CDH13: variants seen among roughly 807,000 people sequenced by gnomAD.
The protein encoded by CDH13 is cadherin-13.
Under a neutral mutation model 63.8 loss-of-function variants are expected in CDH13, and 24 were observed. The ratio of observed to expected loss-of-function variants is 0.38; its 90% CI spans 0.27 to 0.53. The LOEUF is 0.53. Among genes scored for constraint, CDH13 ranks in the 20% least tolerant of loss-of-function variants. The probability of loss-of-function intolerance (pLI) is 0.85; values close to 1 mark genes in which losing one functional copy is unlikely to be tolerated. For synonymous variants in CDH13, 503 were observed against 355.3 expected (o/e 1.42, Z -4.67); for missense variants, 1,049 against 903.1 (o/e 1.16, Z -2.07).
At chr16:83,222,240 C>T (rs2151793859) in intron 5 of CDH13, among the ~76,000 whole-genome samples, 1 of 152,286 alleles carries the variant, frequency 6.6e-6, no homozygotes, top group South Asian at 2.1e-4. Flanking sequence ...GAGCCAATTT[C>T]TTGGTCAAGT....
intron 7 of CDH13, among the ~76,000 whole-genome samples, chr16:83,534,841 A>T (rs1654447740): frequency 1.3e-5 from 2 of 152,248 alleles, no homozygotes; most frequent in African/African-American, 4.8e-5. Context: ...ATACACACCC[A>T]AAATTGGGTC....
intron 7 of CDH13, among the ~76,000 whole-genome samples, chr16:83,562,920 C>T (rs932095291): frequency 2.6e-5 from 4 of 152,280 alleles, no homozygotes; most frequent in East Asian, 3.9e-4. Context: ...CCAAGAGGGA[C>T]GAGGACCTGG....
At chr16:83,368,407 G>A (rs71388387) in intron 6 of CDH13, among the ~76,000 whole-genome samples, 1 of 152,170 alleles carries the variant, frequency 6.6e-6, no homozygotes, top group African/African-American at 2.4e-5. Flanking sequence ...TCATGACTTA[G>A]GACGCATTTT....
At chr16:82,981,169 A>T (rs1009898955) in intron 2 of CDH13, among the ~76,000 whole-genome samples, 2 of 152,238 alleles carry the variant, frequency 1.3e-5, no homozygotes, top group Non-Finnish European at 2.9e-5. Flanking sequence ...TTAAAAAATT[A>T]TTCAAAAGGA....
At chr16:83,045,631 CT>C (rs1567777390) in intron 3 of CDH13, among the ~76,000 whole-genome samples, 4 of 85,720 alleles carry the variant, frequency 4.7e-5, no homozygotes, top group African/African-American at 1.8e-4. Context: ...ATCAAGATTC[CT>C]TTAAAAAAAA....
At chr16:82,820,484 T>C (rs2037952798) in intron 1 of CDH13, among the ~76,000 whole-genome samples, 1 of 152,208 alleles carries the variant, frequency 6.6e-6, no homozygotes, top group South Asian at 2.1e-4. Context: ...CCCACAGTTT[T>C]ATAATTGGTT....
intron 2 of CDH13, among the ~76,000 whole-genome samples, chr16:83,001,074 A>G (rs1229924793): frequency 6.6e-6 from 1 of 152,216 alleles, no homozygotes; most frequent in East Asian, 1.9e-4. Flanking sequence ...TTACTGCTCT[A>G]CTTACCTGCT....
chr16:82,673,824 A>C (rs1275485913), intron 1 of CDH13, among the ~76,000 whole-genome samples: 3 of 152,216 alleles, frequency 2.0e-5, no homozygotes, highest in Non-Finnish European at 2.9e-5. Flanking sequence ...TCCATGTGGA[A>C]GTGTTAGCAA....
intron 6 of CDH13, among the ~76,000 whole-genome samples, chr16:83,480,997 G>GTGGAT (rs2073747665): frequency 6.6e-6 from 1 of 152,176 alleles, no homozygotes; most frequent in African/African-American, 2.4e-5. Flanking sequence ...TCCTTTTGAA[G>GTGGAT]CACCACTATT....
intron 10 of CDH13, among the ~76,000 whole-genome samples, chr16:83,692,913 C>T (rs1905048868): frequency 6.6e-6 from 1 of 152,124 alleles, no homozygotes. Flanking sequence ...GAAACCCCGC[C>T]TCTACTAAAA....
chr16:83,112,103 T>G (rs1469252521), intron 3 of CDH13, among the ~76,000 whole-genome samples: 25 of 152,266 alleles, frequency 1.6e-4, no homozygotes, highest in Admixed American at 1.6e-3. Context: ...CTGCTTTGCT[T>G]TACTTATTCA....
intron 1 of CDH13, chr16:82,844,833 C>G (rs1307081901): frequency 6.8e-6 from 1 of 146,944 alleles, no homozygotes; most frequent in Non-Finnish European, 1.5e-5. Flanking sequence ...TTTTTTGTAT[C>G]TTTAGTGGAG....
At position 83,278,976 on chromosome 16, in the gene CDH13, G is replaced by C. The variant is rs79253724; in HGVS notation, c.636+61479G>C. ...ACAGAAAGCACACAGCACTCTGCCT[G>C]CCTTATACTGTAGTAGTGACATCTT... is the stretch of plus-strand genomic sequence containing the variant. On this transcript the variant is annotated intron_variant, in intron 5 of 13. Transcript: ENST00000567109. Among the ~76,000 whole-genome samples the C allele has an allele frequency of 4.3e-3, 660 of 152,252 alleles. 4 individuals carry two copies. Among genetic ancestry groups the C allele is most frequent in the African/African-American group, 0.015 (619 of 41,558 alleles).
intron 7 of CDH13, among the ~76,000 whole-genome samples, chr16:83,522,793 C>A (rs572857502): frequency 1.6e-4 from 25 of 152,246 alleles, no homozygotes; most frequent in African/African-American, 6.0e-4. Context: ...TCTCCTGGGG[C>A]TTATTACAGA....
At chr16:83,054,861 C>T (rs1383818656) in intron 3 of CDH13, among the ~76,000 whole-genome samples, 1 of 151,968 alleles carries the variant, frequency 6.6e-6, no homozygotes, top group Non-Finnish European at 1.5e-5. Flanking sequence ...AAATTTGGTT[C>T]TAACAAAATT....
At chr16:83,686,867 G>T (rs1421929161) in intron 10 of CDH13, among the ~76,000 whole-genome samples, 1 of 152,132 alleles carries the variant, frequency 6.6e-6, no homozygotes, top group African/African-American at 2.4e-5. Flanking sequence ...ATAGATTAAT[G>T]GCAGCTGGGT....
intron 1 of CDH13, among the ~76,000 whole-genome samples, chr16:82,638,292 CT>C (rs1000782160): frequency 6.6e-6 from 1 of 152,188 alleles, no homozygotes; most frequent in African/African-American, 2.4e-5. Flanking sequence ...CCTTGGACTG[CT>C]TAGGGACTGC....
intron 6 of CDH13, among the ~76,000 whole-genome samples, chr16:83,412,778 G>T (rs756941219): frequency 2.0e-5 from 3 of 152,200 alleles, no homozygotes; most frequent in Non-Finnish European, 4.4e-5. Context: ...ACAATTCCAC[G>T]TGCACATAAG....
intron 5 of CDH13, among the ~76,000 whole-genome samples, chr16:83,265,121 C>A (rs1001981361): frequency 1.3e-5 from 2 of 152,094 alleles, no homozygotes; most frequent in Non-Finnish European, 2.9e-5. Context: ...TGTCTCAAGT[C>A]GTCTGTTTGT....
Sources: allele counts gnomAD v4.1 joint callset (sites outside exome capture counted in the v4.1 genomes callset), GRCh38; gene constraint gnomAD v4.1.1; transcripts MANE v1.5; gene names NCBI Gene and HGNC (gene_info 2026-07-23, HGNC 2026-07-21).